Variants in TRIM48 observed in about 807,000 individuals in gnomAD.
TRIM48 encodes tripartite motif containing 48.
Under a neutral mutation model 29.5 loss-of-function variants are expected in TRIM48, and 31 were observed. That is an observed-to-expected ratio of 1.05 (90% confidence interval 0.79 to 1.42). The LOEUF (loss-of-function observed/expected upper bound fraction) is 1.42. Ranked by LOEUF, TRIM48 falls within the 40% of genes most tolerant of loss-of-function variation. The pLI, the probability that TRIM48 is intolerant of heterozygous loss-of-function variation, is 0.00. For missense variants in TRIM48, 344 were observed against 265.0 expected, an observed-to-expected ratio of 1.30 and a Z score of -2.07; for synonymous variants, 128 against 90.6, an observed-to-expected ratio of 1.41 and a Z score of -2.34.
chr11:55,271,009 C>A lies in TRIM48; in HGVS notation c.*574C>A. ...TCCCAGAAAGCCCTCTTCCTTGTGC[C>A]TTATCAAACAGGACAAATAGGTTCG... On this transcript the variant is annotated 3_prime_UTR_variant, in exon 6 of 6. Coordinates refer to ENST00000417545, the MANE Select transcript of TRIM48 (RefSeq NM_024114.5). 1 of 1,485,546 alleles carries A rather than the reference C, an allele frequency of 6.7e-7. No homozygotes were observed. The highest frequency in any genetic ancestry group is 9.0e-7 in the Non-Finnish European group (1 of 1,107,762). 92.0% of individuals were successfully genotyped at this position (1,485,546 alleles called of 1,614,324 possible).
chr11:55,270,608 A>C lies in TRIM48; in HGVS notation c.*173A>C. The C allele has an allele frequency of 3.8e-6, 6 of 1,583,144 alleles. 1 individual carries two copies. The highest frequency in any genetic ancestry group is 5.1e-6 in the Non-Finnish European group (6 of 1,165,500). Reference sequence around the variant, plus strand: ...TTCACCTCTGGCAAATATTACTGGGAGGTCCATGTGGGGGACTCTTGGAAT... The same window carrying C: ...TTCACCTCTGGCAAATATTACTGGGCGGTCCATGTGGGGGACTCTTGGAAT... On this transcript the variant is annotated 3_prime_UTR_variant, in exon 6 of 6. Transcript: ENST00000417545.
At chr11:55,267,293 C>A in intron 3 of TRIM48, 2 of 1,234,334 alleles carry the variant, frequency 1.6e-6, no homozygotes, top group Non-Finnish European at 2.2e-6. Flanking sequence ...ATTCTAAGAA[C>A]TGGCAAGACT....
rs996457098 is a variant in TRIM48, at chr11:55,266,275, A to T, written c.555+580A>T. Among the ~76,000 whole-genome samples the T allele has an allele frequency of 6.1e-5, 9 of 147,870 alleles. No homozygotes were observed. In the South Asian group the frequency reaches 1.2e-3, roughly 20 times the overall value. On this transcript the variant is annotated intron_variant, in intron 3 of 5. Coordinates refer to ENST00000417545, the MANE Select transcript of TRIM48 (RefSeq NM_024114.5). Reference sequence around the variant, plus strand: ...AGGGAGACATGCAAACATGCCCAAAATATGGGAACTAGTATCTAAATATAA... The same window carrying T: ...AGGGAGACATGCAAACATGCCCAAATTATGGGAACTAGTATCTAAATATAA...
intron 3 of TRIM48, chr11:55,267,651 A>C (rs1293362163): frequency 6.4e-7 from 1 of 1,565,628 alleles, no homozygotes; most frequent in African/African-American, 1.4e-5. Flanking sequence ...ACAAACTCGC[A>C]ATGTGGTTTC....
Position 55,265,170 on chromosome 11 carries a change from G to T in TRIM48, c.315G>T (p.Glu105Asp). 1 of 1,582,776 alleles carries T rather than the reference G, an allele frequency of 6.3e-7. No homozygotes were observed. The highest frequency in any genetic ancestry group is 8.6e-7 in the Non-Finnish European group (1 of 1,166,166). The change falls in exon 2 of 6, where the codon GAG (glutamate) becomes GAT (aspartate). Residue 105 changes from glutamate (E) to aspartate (D), a missense_variant. Glu to Asp is a conservative substitution (Grantham distance 45). Coordinates refer to ENST00000417545, the MANE Select transcript of TRIM48 (RefSeq NM_024114.5). ...KASLWLFLSS[E>D]EQMCGIHRET... ...GTCTCTGGCTATTCCTGAGCTCTGA[G>T]GAGCAAATGTGTGGCATTCACAGGG... is the stretch of plus-strand genomic sequence containing the variant.
Position 55,270,793 on chromosome 11 carries a change from A to G in TRIM48, c.*358A>G. ...TACACTGCAGTATGTCCCAAGACCTACCAACCATGTAGAATTATTCCTGGA... is the reference window on the plus strand; with the variant it reads ...TACACTGCAGTATGTCCCAAGACCTGCCAACCATGTAGAATTATTCCTGGA... On this transcript the variant is annotated 3_prime_UTR_variant, in exon 6 of 6. Coordinates refer to ENST00000417545, the MANE Select transcript of TRIM48 (RefSeq NM_024114.5). 4.4e-6 allele frequency: 7 copies of G among 1,575,664 alleles called. No individual in the cohort carries two copies. The highest frequency in any genetic ancestry group is 5.2e-6 in the Non-Finnish European group (6 of 1,158,720).
In TRIM48 at chr11:55,270,340, T is replaced by C. The variant is rs144247797; in HGVS notation, c.*2-97T>C. ...TTGTGACTTTACGTTTCCTGGTAAA[T>C]TAACTTTTTGATAGAACGATTTTTG... On this transcript the variant is annotated intron_variant, in intron 5 of 5. Transcript: ENST00000417545. 253 of 1,023,342 alleles carry C rather than the reference T, an allele frequency of 2.5e-4. 40 individuals carry two copies. In the East Asian group the frequency reaches 6.2e-3, roughly 25 times the overall value. 63.4% of individuals were successfully genotyped at this position (1,023,342 alleles called of 1,614,324 possible). A position where few individuals can be genotyped will look rare whatever the true frequency, so the allele number is the denominator to read the frequency against.
At chr11:55,262,670 GTTCA>G (rs1179054586) in intron 1 of TRIM48, among the ~76,000 whole-genome samples, 2 of 151,900 alleles carry the variant, frequency 1.3e-5, no homozygotes, top group South Asian at 2.1e-4. Context: ...ATTAATGAAT[GTTCA>G]TTCATTCATT....
chr11:55,266,052 A>G (rs1019624058), intron 3 of TRIM48, among the ~76,000 whole-genome samples: 2 of 147,626 alleles, frequency 1.4e-5, no homozygotes, highest in Non-Finnish European at 3.0e-5. Flanking sequence ...AGCTCAAGTG[A>G]ACCTTCTGAG....
rs1315119299 is a variant in TRIM48, at chr11:55,266,945, C to G, written c.555+1250C>G. 4.7e-5 allele frequency among the ~76,000 whole-genome samples: 7 copies of G among 147,704 alleles called. 1 individual carries two copies. In the South Asian group the frequency reaches 1.7e-3, roughly 36 times the overall value. ...AAAAATGGCCAAATCATAAATGCAG[C>G]TTTATTAGGATAGGTTTTGCTGGGC... On this transcript the variant is annotated intron_variant, in intron 3 of 5. Transcript: ENST00000417545.
chr11:55,265,593 T>C lies in TRIM48; in HGVS notation c.460-7T>C. The C allele has an allele frequency of 1.3e-6, 2 of 1,579,508 alleles. No individual in the cohort carries two copies. The highest frequency in any genetic ancestry group is 1.7e-6 in the Non-Finnish European group (2 of 1,163,944). On this transcript the variant is annotated splice_region_variant and splice_polypyrimidine_tract_variant and intron_variant, in intron 2 of 5. Coordinates refer to ENST00000417545, the MANE Select transcript of TRIM48 (RefSeq NM_024114.5). ...CACTGGTGCTTCAATTTATGGCTCT[T>C]TTGCAGGAGAAGCTTTTAAAGAAAA... is the stretch of plus-strand genomic sequence containing the variant.
chr11:55,264,782 G>A lies in TRIM48; in HGVS notation c.45-118G>A, dbSNP rs537423971. 4,024 of 1,446,652 alleles carry A rather than the reference G, an allele frequency of 2.8e-3. 268 individuals are homozygous for A. Among genetic ancestry groups the A allele is most frequent in the Non-Finnish European group, 3.6e-3 (3,800 of 1,067,776 alleles). The allele number at this position is 1,446,652 out of a possible 1,614,324, so 89.6% of individuals were successfully genotyped here. On this transcript the variant is annotated intron_variant, in intron 1 of 5. Transcript: ENST00000417545. ...ATTTTTGTTACAGAAGAAATAGTTT[G>A]TTGTGCTTTAATGAACACTGTCAAG...
rs1417449805 is a variant in TRIM48, at chr11:55,262,699, A to T, written c.44+388A>T. On this transcript the variant is annotated intron_variant, in intron 1 of 5. Coordinates refer to ENST00000417545, the MANE Select transcript of TRIM48 (RefSeq NM_024114.5). ...ATTCATTCATTCAGCATTTACACAT[A>T]ACTTTAAATTAGTAAGGTAATGATG... Among the ~76,000 whole-genome samples the T allele has an allele frequency of 3.3e-5, 5 of 152,110 alleles. No individual in the cohort carries two copies. In the East Asian group the frequency reaches 7.7e-4, roughly 23 times the overall value.
chr11:55,269,744 G>A (rs1212940110), intron 5 of TRIM48, among the ~76,000 whole-genome samples: 3 of 147,058 alleles, frequency 2.0e-5, no homozygotes, highest in African/African-American at 5.0e-5. Flanking sequence ...AGATTCTTGG[G>A]GTTTTTTAAT....
intron 4 of TRIM48, 52 bp from the exon 5 acceptor site, chr11:55,269,190 T>A: frequency 6.4e-7 from 1 of 1,551,544 alleles, no homozygotes; most frequent in South Asian, 1.2e-5. Flanking sequence ...AAGTAGTGAT[T>A]TTTATTTATT....
chr11:55,265,020 C>T lies in TRIM48; in HGVS notation c.165C>T (p.Phe55=). The T allele has an allele frequency of 6.3e-7, 1 of 1,584,444 alleles. No individual in the cohort carries two copies. The highest frequency in any genetic ancestry group is 8.6e-7 in the Non-Finnish European group (1 of 1,166,338). Residue 55 remains phenylalanine, a synonymous_variant, in exon 2 of 6, where the codon TTC becomes TTT. Coordinates refer to ENST00000417545, the MANE Select transcript of TRIM48 (RefSeq NM_024114.5). ...GGCACAGCTTTTGCAGGCCCTGTTTCTACCTCAACTGGCAAGACATCCCAA... is the reference window on the plus strand; with the variant it reads ...GGCACAGCTTTTGCAGGCCCTGTTTTTACCTCAACTGGCAAGACATCCCAA... ...DCGHSFCRPC[F]YLNWQDIPIL...
Position 55,264,997 on chromosome 11 carries a change from C to A in TRIM48, c.142C>A (p.His48Asn). 1.9e-6 allele frequency: 3 copies of A among 1,584,662 alleles called. No individual in the cohort carries two copies. Among genetic ancestry groups the A allele is most frequent in the Non-Finnish European group, 2.6e-6 (3 of 1,166,422 alleles). Residue 48 changes from histidine (H) to asparagine (N), a missense_variant, in exon 2 of 6, where the codon CAC becomes AAC. Physicochemically the swap from His to Asn is moderately conservative, Grantham distance 68. Coordinates refer to ENST00000417545, the MANE Select transcript of TRIM48 (RefSeq NM_024114.5). Reference sequence around the variant, plus strand: ...AGACCCGGTCACCATAGACTGTGGGCACAGCTTTTGCAGGCCCTGTTTCTA... The same window carrying A: ...AGACCCGGTCACCATAGACTGTGGGAACAGCTTTTGCAGGCCCTGTTTCTA... ...FIDPVTIDCGHSFCRPCFYLN... is the reference protein window; with the variant it reads ...FIDPVTIDCGNSFCRPCFYLN...
At chr11:55,270,245 C>A (rs1220705686) in intron 5 of TRIM48, among the ~76,000 whole-genome samples, 192 bp from the exon 6 acceptor site, 1 of 147,820 alleles carries the variant, frequency 6.8e-6, no homozygotes, top group Non-Finnish European at 1.5e-5. Flanking sequence ...CTGTGGTTAG[C>A]ATTTTGTTTG....
In TRIM48 at chr11:55,270,919, T is replaced by C; in HGVS notation, c.*484T>C. On this transcript the variant is annotated 3_prime_UTR_variant, in exon 6 of 6. Coordinates refer to ENST00000417545, the MANE Select transcript of TRIM48 (RefSeq NM_024114.5). ...CTCACTTCCTCTCAGACCTATCTTT[T>C]TCTGTATTCTCCTCTGACCAGAGAC... The C allele has an allele frequency of 1.3e-6, 2 of 1,557,006 alleles. No individual in the cohort carries two copies. The highest frequency in any genetic ancestry group is 1.2e-5 in the South Asian group (1 of 82,806).
Sources: gnomAD v4.1 joint callset for allele counts (sites outside exome capture counted in the v4.1 genomes callset) on GRCh38, gnomAD v4.1.1 for gene constraint, MANE v1.5 for transcripts, NCBI Gene and HGNC (gene_info 2026-07-23, HGNC 2026-07-21) for gene names.